The following C6orf132 variants were observed in gnomAD, a reference collection of about 807,000 sequenced individuals.
The protein encoded by C6orf132 is chromosome 6 open reading frame 132.
A neutral mutation model predicts 65.3 loss-of-function variants in C6orf132; 43 were observed. The observed-to-expected ratio is 0.66, with a 90% confidence interval of 0.52 to 0.85. C6orf132 has a LOEUF of 0.85. Among genes scored for constraint, C6orf132 ranks in the 40% least tolerant of loss-of-function variants. C6orf132 has a pLI of 0.00. For synonymous variants in C6orf132, 631 were observed against 654.1 expected, an observed-to-expected ratio of 0.96 and a Z score of 0.54; for missense variants, 1,488 against 1,548.8, an observed-to-expected ratio of 0.96 and a Z score of 0.66.
Position 42,107,129 on chromosome 6 carries a change from A to G in C6orf132, c.783T>C (p.Asp261=). ...PPGGVTKWKS[D]VALNGRQAEA... is the part of the protein sequence containing the mutation. ...CTGCCTGCCTGCCATTCAGTGCTAC[A>G]TCTGATTTCCACTTGGTGACACCCC... The change falls in exon 4 of 5, where the codon GAT becomes GAC. Residue 261 remains aspartate (D), a synonymous_variant. Coordinates refer to ENST00000341865, the MANE Select transcript of C6orf132 (RefSeq NM_001164446.3). The G allele has an allele frequency of 2.1e-6, 3 of 1,440,998 alleles. No individual in the cohort carries two copies. The highest frequency in any genetic ancestry group is 2.7e-6 in the Non-Finnish European group (3 of 1,101,902). 89.3% of individuals were successfully genotyped at this position (1,440,998 alleles called of 1,614,324 possible).
chr6:42,107,888 T>A (rs148358004), intron 3 of C6orf132, among the ~76,000 whole-genome samples: 146 of 152,086 alleles, frequency 9.6e-4, no homozygotes, highest in African/African-American at 3.4e-3. Context: ...CCTTGCCCCC[T>A]GAGATGGGGG....
chr6:42,106,277 GC>G lies in C6orf132; in HGVS notation c.1634del (p.Ser545ThrfsTer2), dbSNP rs1393347650. The G allele has an allele frequency of 6.5e-7, 1 of 1,536,776 alleles. No individual in the cohort carries two copies. The highest frequency in any genetic ancestry group is 8.7e-7 in the Non-Finnish European group (1 of 1,146,894). On this transcript the variant is annotated frameshift_variant, in exon 4 of 5. Transcript: ENST00000341865. LOFTEE classifies it high-confidence loss of function. ...TGTAGTCCACAGAGGGCAGGGTCAG[GC>G]TGGGGGCAGCCTCTGTCTCTGTCAG... Reference protein sequence around the residue: ...SSLTETEAAPSLTLPSVDYIP... With the variant: ...SSLTETEAAPXLTLPSVDYIP...
At position 42,102,593 on chromosome 6, in the gene C6orf132, G is replaced by C. The variant is rs1766310653; in HGVS notation, c.*1168C>G. The stretch of plus-strand genomic sequence containing the variant: ...TTTTTTTTTTTCCGTATTTTTAGTA[G>C]AGATGGGGTTTCACCATTTGGGCAG... On this transcript the variant is annotated 3_prime_UTR_variant, in exon 5 of 5. Coordinates refer to ENST00000341865, the MANE Select transcript of C6orf132 (RefSeq NM_001164446.3). 7.0e-6 allele frequency: 1 copy of C among 143,040 alleles called. No homozygotes were observed. Among genetic ancestry groups the C allele is most frequent in the Admixed American group, 7.3e-5 (1 of 13,730 alleles). The allele number at this position is 143,040 out of a possible 1,614,324, so 8.9% of individuals were successfully genotyped here. A position where few individuals can be genotyped will look rare whatever the true frequency, so the allele number is the denominator to read the frequency against.
chr6:42,108,833 G>A (rs1337190677), intron 3 of C6orf132, among the ~76,000 whole-genome samples: 2 of 152,008 alleles, frequency 1.3e-5, no homozygotes, highest in African/African-American at 4.8e-5. Context: ...ACAGTGTGGC[G>A]AACCTGGGGA....
chr6:42,124,682 C>A lies in C6orf132; in HGVS notation c.252+3990G>T, dbSNP rs930295834. Among the ~76,000 whole-genome samples the A allele has an allele frequency of 9.8e-5, 15 of 152,302 alleles. No homozygotes were observed. The highest frequency in any genetic ancestry group is 2.1e-4 in the South Asian group (1 of 4,828). On this transcript the variant is annotated intron_variant, in intron 2 of 4. Coordinates refer to ENST00000341865, the MANE Select transcript of C6orf132 (RefSeq NM_001164446.3). The surrounding 1 kb of genome is among the most constrained non-coding windows in gnomAD (Gnocchi z 4.0). ...GTGGGGCTGGGGGACGGGGTGTGTGCGTGTGCATGTGTGTGTGAGCCCACA... is the reference window on the plus strand; with the variant it reads ...GTGGGGCTGGGGGACGGGGTGTGTGAGTGTGCATGTGTGTGTGAGCCCACA...
chr6:42,135,417 G>A (rs576028819), intron 1 of C6orf132, among the ~76,000 whole-genome samples: 2 of 152,312 alleles, frequency 1.3e-5, no homozygotes, highest in East Asian at 1.9e-4. Flanking sequence ...TAAATGTGGC[G>A]GGTGGGCCAG....
Position 42,106,139 on chromosome 6 carries a change from A to T in C6orf132, c.1773T>A (p.Pro591=). 1 of 1,537,236 alleles carries T rather than the reference A, an allele frequency of 6.5e-7. No homozygotes were observed. The highest frequency in any genetic ancestry group is 8.7e-7 in the Non-Finnish European group (1 of 1,146,912). The part of the protein sequence containing the change: ...EAKPSIGSLP[P]KPRLEGGRIC... ...TTCTTCCCCCTTCTAGCCGAGGCTT[A>T]GGGGGCAGAGATCCTATGCTGGGCT... Residue 591 remains proline, a synonymous_variant, in exon 4 of 5, where the codon CCT becomes CCA. Coordinates refer to ENST00000341865, the MANE Select transcript of C6orf132 (RefSeq NM_001164446.3).
intron 1 of C6orf132, among the ~76,000 whole-genome samples, chr6:42,133,153 A>G (rs1766880283): frequency 6.6e-6 from 1 of 152,228 alleles, no homozygotes. Flanking sequence ...AGGGATGCTG[A>G]GGCCTTCCTG....
chr6:42,131,673 T>G (rs1475977163), intron 1 of C6orf132, among the ~76,000 whole-genome samples: 2 of 152,202 alleles, frequency 1.3e-5, no homozygotes, highest in Non-Finnish European at 2.9e-5. Flanking sequence ...CTGGTCAGGA[T>G]GGAGTCGGAT....
intron 2 of C6orf132, among the ~76,000 whole-genome samples, chr6:42,121,298 G>C (rs1472958158): frequency 6.6e-6 from 1 of 152,206 alleles, no homozygotes; most frequent in Admixed American, 6.5e-5. Flanking sequence ...TCTTCCCCAT[G>C]GTCAGGGACA....
chr6:42,110,943 T>C (rs1212970952), intron 2 of C6orf132, among the ~76,000 whole-genome samples: 1 of 152,106 alleles, frequency 6.6e-6, no homozygotes, highest in Non-Finnish European at 1.5e-5. Flanking sequence ...AATCCACAAA[T>C]AGGGAGGATT....
rs138013556 is a variant in C6orf132, at chr6:42,142,395, T to C, written c.50A>G (p.Lys17Arg). 9.1e-3 allele frequency: 14,166 copies of C among 1,551,452 alleles called. 138 individuals are homozygous for C. Among genetic ancestry groups the C allele is most frequent in the South Asian group, 0.024 (2,035 of 84,054 alleles). The change falls in exon 1 of 5, where the codon AAG becomes AGG. Residue 17 changes from lysine (K) to arginine (R), a missense_variant. Coordinates refer to ENST00000341865, the MANE Select transcript of C6orf132 (RefSeq NM_001164446.3). Reference sequence around the variant, plus strand: ...GGTGCTGGGGGTCGTGGTGTGCTTCTTCCCGAAGAGTTTGCTGAAGGTGCC... The same window carrying C: ...GGTGCTGGGGGTCGTGGTGTGCTTCCTCCCGAAGAGTTTGCTGAAGGTGCC... The part of the protein sequence containing the change: ...VQGTFSKLFG[K>R]KHTTTPSTSL...
At chr6:42,126,371 C>T (rs1439146964) in intron 2 of C6orf132, 1 of 151,208 alleles carries the variant, frequency 6.6e-6, no homozygotes, top group Non-Finnish European at 1.5e-5. Context: ...AGCCACCACA[C>T]CTGGCTGTAT....
rs535676064 is a variant in C6orf132 at position 42,101,450 on chromosome 6, G to A, written c.*2311C>T. 7 of 152,284 alleles carry A rather than the reference G, an allele frequency of 4.6e-5. No individual in the cohort carries two copies. The highest frequency in any genetic ancestry group is 1.7e-4 in the African/African-American group (7 of 41,546). The allele number at this position is 152,284 out of a possible 1,614,324, so 9.4% of individuals were successfully genotyped here. On this transcript the variant is annotated 3_prime_UTR_variant, in exon 5 of 5. Transcript: ENST00000341865. ...AGCTTGCCATGAACAGGAGTCATGT[G>A]GGTGAGCTGATGGCAGTCTATCCAT...
In C6orf132 at chr6:42,110,256, G is replaced by C. The variant is rs1331771812; in HGVS notation, c.288C>G (p.Thr96=). 1 of 1,547,748 alleles carries C rather than the reference G, an allele frequency of 6.5e-7. No individual in the cohort carries two copies. The highest frequency in any genetic ancestry group is 1.4e-5 in the African/African-American group (1 of 72,788). ...CTGCAAAATCATCTGGAACCGAGGGGGTGGGCACAGCCAGCCCATGGTTTT... is the reference window on the plus strand; with the variant it reads ...CTGCAAAATCATCTGGAACCGAGGGCGTGGGCACAGCCAGCCCATGGTTTT... ...AQENHGLAVP[T]PSVPDDFADK... Residue 96 remains threonine, a synonymous_variant, in exon 3 of 5, where the codon ACC becomes ACG. Coordinates refer to ENST00000341865, the MANE Select transcript of C6orf132 (RefSeq NM_001164446.3).
intron 1 of C6orf132, among the ~76,000 whole-genome samples, chr6:42,140,609 C>T (rs912259602): frequency 1.6e-4 from 25 of 152,200 alleles, no homozygotes; most frequent in Admixed American, 1.4e-3. Flanking sequence ...AATGGCACAA[C>T]TCTGTGTAAA....
intron 1 of C6orf132, among the ~76,000 whole-genome samples, chr6:42,133,942 C>CTTTCCAAAAA (rs1328790599): frequency 1.3e-5 from 2 of 152,034 alleles, no homozygotes; most frequent in African/African-American, 4.8e-5. Context: ...ATTCCTGGTG[C>CTTTCCAAAAA]CAAGCAGGAG....
At chr6:42,110,085 G>T in intron 3 of C6orf132, 131 bp downstream of exon 3, 1 of 696,746 alleles carries the variant, frequency 1.4e-6, no homozygotes, top group Non-Finnish European at 2.3e-6. Flanking sequence ...GACTGAGGAT[G>T]GCGAGAGTGG....
chr6:42,128,894 G>T (rs376659095), intron 1 of C6orf132, 116 bp from the exon 2 acceptor site: 10 of 708,016 alleles, frequency 1.4e-5, no homozygotes, highest in Middle Eastern at 3.3e-4. Flanking sequence ...GTGTCTCCCA[G>T]TGTTGGATTC....
Sources: allele counts gnomAD v4.1 joint callset (sites outside exome capture counted in the v4.1 genomes callset), GRCh38; gene constraint gnomAD v4.1.1; non-coding constraint Gnocchi (gnomAD v3.1); transcripts MANE v1.5; gene names NCBI Gene and HGNC (gene_info 2026-07-23, HGNC 2026-07-21).